COL6A1: variants seen among roughly 807,000 people sequenced by gnomAD.
COL6A1 encodes the protein collagen alpha-1(VI) chain.
Under a neutral mutation model 145.6 loss-of-function variants are expected in COL6A1, and 80 were observed. The observed-to-expected ratio is 0.55, with a 90% confidence interval of 0.46 to 0.66. The LOEUF (loss-of-function observed/expected upper bound fraction) is 0.66. Among genes scored for constraint, COL6A1 ranks in the 30% least tolerant of loss-of-function variants. The probability of loss-of-function intolerance (pLI) is 0.00; values close to 1 mark genes in which losing one functional copy is unlikely to be tolerated. For synonymous variants in COL6A1, 638 were observed against 622.8 expected, an observed-to-expected ratio of 1.02 and a Z score of -0.36; for missense variants, 1,364 against 1,473.8, an observed-to-expected ratio of 0.93 and a Z score of 1.22.
At chr21:46,002,762 G>A in intron 33 of COL6A1, 52 bp downstream of exon 33, 1 of 1,533,916 alleles carries the variant, frequency 6.5e-7, no homozygotes. Flanking sequence ...TGCGCGCGGG[G>A]CCGCCCGGGC....
At chr21:45,996,781 A>G (rs2077807253) in intron 20 of COL6A1, among the ~76,000 whole-genome samples, 2 of 152,156 alleles carry the variant, frequency 1.3e-5, no homozygotes, top group Admixed American at 1.3e-4. Context: ...GCAGGCCCTC[A>G]AAGGTGGGAG....
intron 20 of COL6A1, among the ~76,000 whole-genome samples, chr21:45,996,130 T>C (rs1325359619): frequency 6.6e-6 from 1 of 152,236 alleles, no homozygotes; most frequent in Admixed American, 6.5e-5. Flanking sequence ...TGGCACAGTC[T>C]GACTGTGTGT....
chr21:46,000,409 G>C (rs1603593794), intron 28 of COL6A1, 42 bp downstream of exon 28: 1 of 1,609,568 alleles, frequency 6.2e-7, no homozygotes, highest in African/African-American at 1.3e-5. Flanking sequence ...GGAGAGCAGG[G>C]CCGCCAGCCT....
At position 45,997,460 on chromosome 21, in the gene COL6A1, G is replaced by A. The variant is rs372619016; in HGVS notation, c.1438G>A (p.Asp480Asn). ...TATCGGACCTAAAGGCTACCGAGGC[G>A]ATGAGGGTCCCCCAGGGTCCGAGGT... ...GPIGPKGYRG[D>N]EGPPGSEGAR... Residue 480 changes from aspartate to asparagine, a missense_variant, in exon 21 of 35, where the codon GAT (aspartate) becomes AAT (asparagine). This residue lies in a region of COL6A1 where 938 missense variants were observed against 1,003.8 expected (regional missense o/e 0.93). Transcript: ENST00000361866. 44 of 1,612,604 alleles carry A rather than the reference G, an allele frequency of 2.7e-5. 1 individual carries two copies. The highest frequency in any genetic ancestry group is 8.8e-5 in the South Asian group (8 of 91,088).
intron 24 of COL6A1, 44 bp downstream of exon 24, chr21:45,998,477 TTC>T (rs755981106): frequency 6.2e-7 from 1 of 1,612,534 alleles, no homozygotes; most frequent in Non-Finnish European, 8.5e-7. Context: ...CACACAAACA[TTC>T]ACAGTCACAG....
rs773139115 is a variant in COL6A1, at chr21:45,984,370, G to A, written c.329G>A (p.Arg110His). The change falls in exon 3 of 35, where the codon CGC (arginine) becomes CAC (histidine). Residue 110 changes from arginine (R) to histidine (H), a missense_variant. Coordinates refer to ENST00000361866, the MANE Select transcript of COL6A1 (RefSeq NM_001848.3). Reference protein sequence around the residue: ...IQGLTRMPGGRDALKSSVDAV... With the variant: ...IQGLTRMPGGHDALKSSVDAV... ...GGCCTCACGCGCATGCCTGGCGGCCGCGACGCACTCAAAAGCAGCGTGGAC... is the reference window on the plus strand; with the variant it reads ...GGCCTCACGCGCATGCCTGGCGGCCACGACGCACTCAAAAGCAGCGTGGAC... 71 of 1,612,566 alleles carry A rather than the reference G, an allele frequency of 4.4e-5. No homozygotes were observed. The highest frequency in any genetic ancestry group is 3.3e-4 in the Middle Eastern group (2 of 6,084).
chr21:45,981,934 C>A lies in COL6A1; in HGVS notation c.84C>A (p.Ala28=). Residue 28 remains alanine, a synonymous_variant, in exon 1 of 35, where the codon GCC becomes GCA. Transcript: ENST00000361866. ...AAQDEPETPR[A]VAFQDCPVDL... ...AGGATGAGCCGGAGACCCCGAGGGCCGTGGCCTTCCAGGGTGAGTGGTGGC... is the reference window on the plus strand; with the variant it reads ...AGGATGAGCCGGAGACCCCGAGGGCAGTGGCCTTCCAGGGTGAGTGGTGGC... 6.2e-7 allele frequency: 1 copy of A among 1,606,856 alleles called. No individual in the cohort carries two copies. Among genetic ancestry groups the A allele is most frequent in the East Asian group, 2.2e-5 (1 of 44,532 alleles).
rs201734661 is a variant in COL6A1, at chr21:45,999,705, C to T, written c.1776+13C>T. On this transcript the variant is annotated intron_variant, in intron 27 of 34. Coordinates refer to ENST00000361866, the MANE Select transcript of COL6A1 (RefSeq NM_001848.3). ...GCCTGGGCCGGACGTAAGTGGGGCTCTGTGAACATTGCTGGGGGCGACCAC... is the reference window on the plus strand; with the variant it reads ...GCCTGGGCCGGACGTAAGTGGGGCTTTGTGAACATTGCTGGGGGCGACCAC... 225 of 1,609,992 alleles carry T rather than the reference C, an allele frequency of 1.4e-4. 5 individuals are homozygous for T. In the South Asian group the frequency reaches 1.4e-3, roughly 10 times the overall value.
chr21:45,994,061 C>T lies in COL6A1; in HGVS notation c.1336-106C>T, dbSNP rs1455656247. ...GCTGTGCGGGGAGGGAAGGCCGGAA[C>T]AGCCCAGTGACCACCTGGACAGCAT... On this transcript the variant is annotated intron_variant, in intron 19 of 34. Coordinates refer to ENST00000361866, the MANE Select transcript of COL6A1 (RefSeq NM_001848.3). This position sits in a 1 kb window ranked among gnomAD's most constrained non-coding sequence, Gnocchi z 6.8. 5.9e-6 allele frequency: 7 copies of T among 1,178,824 alleles called. No homozygotes were observed. In the Admixed American group the frequency reaches 1.2e-4, roughly 20 times the overall value. 73.0% of individuals were successfully genotyped at this position (1,178,824 alleles called of 1,614,324 possible). A position where few individuals can be genotyped will look rare whatever the true frequency, so the allele number is the denominator to read the frequency against.
At position 45,986,702 on chromosome 21, in the gene COL6A1, C is replaced by CA. The variant is rs1292537287; in HGVS notation, c.588+17_588+18insA. 4 of 1,542,428 alleles carry CA rather than the reference C, an allele frequency of 2.6e-6. No individual in the cohort carries two copies. Among genetic ancestry groups the CA allele is most frequent in the Middle Eastern group, 1.9e-4 (1 of 5,246 alleles). On this transcript the variant is annotated intron_variant, in intron 4 of 34. Coordinates refer to ENST00000361866, the MANE Select transcript of COL6A1 (RefSeq NM_001848.3). ...GACCACCTGGTAGGCACCGGCCCCC[C>CA]CCGGCAGATGCCCCCAACCACAGGG...
rs2077766007 is a variant in COL6A1, at chr21:45,990,107, C to G, written c.931-151C>G. 2.8e-6 allele frequency: 3 copies of G among 1,068,714 alleles called. No homozygotes were observed. The South Asian group carries it at 4.1e-5, about 14-fold the overall frequency. The allele number at this position is 1,068,714 out of a possible 1,614,324, so 66.2% of individuals were successfully genotyped here. On this transcript the variant is annotated intron_variant, in intron 11 of 34. Coordinates refer to ENST00000361866, the MANE Select transcript of COL6A1 (RefSeq NM_001848.3). ...GTTACCCTCTGCAGAGCGGCCCCTC[C>G]CCATCACTGTCAGTCCCCATGATTC...
chr21:45,983,481 C>T (rs997052119), intron 2 of COL6A1, among the ~76,000 whole-genome samples: 3 of 152,174 alleles, frequency 2.0e-5, no homozygotes, highest in South Asian at 2.1e-4. Flanking sequence ...AACCCCCGTC[C>T]TCCTTGACCC....
At chr21:45,984,861 C>T (rs1368337137) in intron 3 of COL6A1, among the ~76,000 whole-genome samples, 1 of 145,928 alleles carries the variant, frequency 6.9e-6, no homozygotes, top group South Asian at 2.2e-4. Context: ...GAGACAGAGA[C>T]AGAAACAGAG....
chr21:45,999,093 G>T, intron 25 of COL6A1, 60 bp from the exon 26 acceptor site: 1 of 1,548,102 alleles, frequency 6.5e-7, no homozygotes. Flanking sequence ...TGTGGACGGG[G>T]CCAGCGCGCA....
intron 11 of COL6A1, among the ~76,000 whole-genome samples, chr21:45,990,015 TTACCCTCTGCGGAGCCGGGGGTCCCCC>T (rs2077764998): frequency 6.3e-4 from 7 of 11,196 alleles, no homozygotes; most frequent in East Asian, 5.3e-3. Context: ...CCCCGGGCGG[TTACCCTCTGCGGAGCCGGGGGTCCCCC>T]GGGCGGTTAC....
intron 15 of COL6A1, 121 bp from the exon 16 acceptor site, chr21:45,991,889 A>ACCCCC (rs1471974964): frequency 1.1e-6 from 1 of 951,238 alleles, no homozygotes; most frequent in Non-Finnish European, 1.6e-6. Context: ...CTGGGCTCAG[A>ACCCCC]CAGTGTTGGT....
At chr21:46,002,123 C>T (rs2077849755) in intron 31 of COL6A1, 53 bp downstream of exon 31, 1 of 1,580,062 alleles carries the variant, frequency 6.3e-7, no homozygotes, top group Non-Finnish European at 8.6e-7. Context: ...GACCGCTGTT[C>T]CCACGGCAGG....
At chr21:46,003,267 T>C in intron 34 of COL6A1, 118 bp downstream of exon 34, 3 of 1,603,218 alleles carry the variant, frequency 1.9e-6, no homozygotes, top group Non-Finnish European at 2.6e-6. Context: ...GGTGCATGGC[T>C]CACTCCGGTG....
Position 46,002,324 on chromosome 21 carries a change from C to A in COL6A1, c.2173C>A (p.Leu725Met). The A allele has an allele frequency of 6.3e-7, 1 of 1,592,212 alleles. No individual in the cohort carries two copies. The highest frequency in any genetic ancestry group is 1.1e-5 in the South Asian group (1 of 88,624). ...GCCCAGCCCGAACAACCGCATCGCC[C>A]TGGTCATCACTGACGGGCGCTCAGA... ...LPPSPNNRIA[L>M]VITDGRSDTQ... is the part of the protein sequence containing the mutation. Residue 725 changes from leucine (L) to methionine (M), a missense_variant, in exon 32 of 35, where the codon CTG becomes ATG. Around this residue, in one of 3 missense-constraint regions of COL6A1, gnomAD observed 938 missense variants for 1,003.8 expected, o/e 0.93. Transcript: ENST00000361866.
Sources: gnomAD v4.1 joint callset for allele counts (sites outside exome capture counted in the v4.1 genomes callset) on GRCh38, gnomAD v4.1.1 for gene constraint, gnomAD v4.1.1 regional missense constraint, Gnocchi (gnomAD v3.1) non-coding constraint, MANE v1.5 for transcripts, NCBI Gene and HGNC (gene_info 2026-07-23, HGNC 2026-07-21) for gene names.